ATXN10: variants seen among roughly 807,000 people sequenced by gnomAD.
The protein encoded by ATXN10 is ataxin-10.
Under a neutral mutation model 52.9 loss-of-function variants are expected in ATXN10, and 28 were observed. The ratio of observed to expected loss-of-function variants is 0.53; its 90% CI spans 0.39 to 0.73. The LOEUF is 0.73. Among genes scored for constraint, ATXN10 ranks in the 30% least tolerant of loss-of-function variants. The pLI is 0.00. For missense variants in ATXN10, 565 were observed against 577.0 expected (o/e 0.98, Z 0.21); for synonymous variants, 226 against 221.5 (o/e 1.02, Z -0.18).
At chr22:45,756,628 C>T (rs907348395) in intron 9 of ATXN10, among the ~76,000 whole-genome samples, 12 of 152,122 alleles carry the variant, frequency 7.9e-5, no homozygotes, top group African/African-American at 2.9e-4. Flanking sequence ...GAACTTTTCC[C>T]AGTCCAGCTG....
chr22:45,705,417 C>G lies in ATXN10; in HGVS notation c.647+2570C>G, dbSNP rs1022931389. On this transcript the variant is annotated intron_variant, in intron 5 of 11. Coordinates refer to ENST00000252934, the MANE Select transcript of ATXN10 (RefSeq NM_013236.4). The surrounding 1 kb of genome is among the most constrained non-coding windows in gnomAD (Gnocchi z 5.2). ...GAAGGGTTTTGGTTACTAATTCAAACCTGTTACTTGTTACAGGTCTTGGTT... is the reference window on the plus strand; with the variant it reads ...GAAGGGTTTTGGTTACTAATTCAAAGCTGTTACTTGTTACAGGTCTTGGTT... 6.6e-6 allele frequency among the ~76,000 whole-genome samples: 1 copy of G among 151,768 alleles called. No homozygotes were observed. Among genetic ancestry groups the G allele is most frequent in the African/African-American group, 2.4e-5 (1 of 41,280 alleles).
intron 4 of ATXN10, among the ~76,000 whole-genome samples, chr22:45,700,683 CA>C (rs1204570333): frequency 5.9e-5 from 9 of 151,876 alleles, no homozygotes; most frequent in Admixed American, 5.2e-4. Context: ...TTTACTTTTA[CA>C]AAAATAAAGT....
At chr22:45,811,604 G>A (rs905517778) in intron 10 of ATXN10, 13 of 415,588 alleles carry the variant, frequency 3.1e-5, no homozygotes, top group Non-Finnish European at 4.5e-5. Context: ...ATACCATACC[G>A]CCTGGGTGTG....
chr22:45,704,017 A>G (rs186789621), intron 5 of ATXN10: 1 of 152,314 alleles, frequency 6.6e-6, no homozygotes, highest in South Asian at 2.1e-4. Context: ...ATATATGGAT[A>G]CATCCAAGGT....
At chr22:45,773,165 T>C (rs1389853684) in intron 9 of ATXN10, among the ~76,000 whole-genome samples, 2 of 152,228 alleles carry the variant, frequency 1.3e-5, no homozygotes, top group South Asian at 2.1e-4. Flanking sequence ...TGTGGAAATA[T>C]GGTTAACTTT....
Position 45,796,533 on chromosome 22 carries a change from G to A in ATXN10, c.1174-10426G>A, listed in dbSNP as rs113960900. Among the ~76,000 whole-genome samples, 883 of 152,228 alleles carry A rather than the reference G, an allele frequency of 5.8e-3. 9 individuals carry two copies. Among genetic ancestry groups the A allele is most frequent in the African/African-American group, 0.02 (850 of 41,526 alleles). On this transcript the variant is annotated intron_variant, in intron 9 of 11. Coordinates refer to ENST00000252934, the MANE Select transcript of ATXN10 (RefSeq NM_013236.4). ...GCTTTTGTGGCTCAAGGGGCATCAC[G>A]GAACCTGCCAACATGTGATATCGCT...
intron 8 of ATXN10, among the ~76,000 whole-genome samples, chr22:45,740,129 G>C (rs1488154766): frequency 6.6e-6 from 1 of 152,148 alleles, no homozygotes; most frequent in African/African-American, 2.4e-5. Context: ...AGTTGGGGTA[G>C]TCATTATGGC....
chr22:45,695,356 A>G (rs1323897570), intron 3 of ATXN10, among the ~76,000 whole-genome samples: 1 of 152,008 alleles, frequency 6.6e-6, no homozygotes, highest in Non-Finnish European at 1.5e-5. Context: ...CATTGTAATA[A>G]CGTCTTTACC....
At chr22:45,777,189 T>C (rs1926988904) in intron 9 of ATXN10, among the ~76,000 whole-genome samples, 1 of 152,224 alleles carries the variant, frequency 6.6e-6, no homozygotes, top group South Asian at 2.1e-4. Context: ...TTTGTCATAC[T>C]TTGTTACACA....
rs1927127652 is a variant in ATXN10 at position 45,780,922 on chromosome 22, G to C, written c.1174-26037G>C. Among the ~76,000 whole-genome samples, 1 of 152,130 alleles carries C rather than the reference G, an allele frequency of 6.6e-6. No homozygotes were observed. Among genetic ancestry groups the C allele is most frequent in the Non-Finnish European group, 1.5e-5 (1 of 68,026 alleles). Reference sequence around the variant, plus strand: ...TGGGGAGAAGACGGCATACTAGCAAGGGGCCTTGAGACTCAGAAACGATAA... The same window carrying C: ...TGGGGAGAAGACGGCATACTAGCAACGGGCCTTGAGACTCAGAAACGATAA... On this transcript the variant is annotated intron_variant, in intron 9 of 11. Transcript: ENST00000252934. This position sits in a 1 kb window ranked among gnomAD's most constrained non-coding sequence, Gnocchi z 4.0.
In ATXN10 at chr22:45,729,460, C is replaced by T. The variant is rs149859910; in HGVS notation, c.764C>T (p.Thr255Met). The T allele has an allele frequency of 4.8e-5, 78 of 1,614,088 alleles. No homozygotes were observed. Among genetic ancestry groups the T allele is most frequent in the African/African-American group, 4.5e-4 (34 of 75,008 alleles). Residue 255 changes from threonine to methionine, a missense_variant, in exon 7 of 12, where the codon ACG becomes ATG. Transcript: ENST00000252934. ...TLLDLMIAKI[T>M]SDEPLTKDDI... is the part of the protein sequence containing the mutation. ...TTAGACCTTATGATAGCCAAGATAA[C>T]GAGTGATGAGCCACTCACCAAGGAT...
At position 45,705,936 on chromosome 22, in the gene ATXN10, C is replaced by G. The variant is rs188294573; in HGVS notation, c.647+3089C>G. 1.3e-5 allele frequency among the ~76,000 whole-genome samples: 2 copies of G among 152,106 alleles called. No homozygotes were observed. The highest frequency in any genetic ancestry group is 2.9e-5 in the Non-Finnish European group (2 of 68,018). On this transcript the variant is annotated intron_variant, in intron 5 of 11. Transcript: ENST00000252934. The surrounding 1 kb of genome is among the most constrained non-coding windows in gnomAD (Gnocchi z 5.2). Reference sequence around the variant, plus strand: ...AGGCAAGCAAGCATTCCTGCCTGAGCGCCACTTCTTGTCAGATCATCAGCC... The same window carrying G: ...AGGCAAGCAAGCATTCCTGCCTGAGGGCCACTTCTTGTCAGATCATCAGCC...
At chr22:45,796,198 A>T (rs1015980967) in intron 9 of ATXN10, among the ~76,000 whole-genome samples, 2 of 152,202 alleles carry the variant, frequency 1.3e-5, no homozygotes, top group African/African-American at 4.8e-5. Flanking sequence ...TAGATAAGGG[A>T]TGAAATACTC....
intron 5 of ATXN10, among the ~76,000 whole-genome samples, chr22:45,709,328 T>A (rs994019172): frequency 6.6e-6 from 1 of 152,202 alleles, no homozygotes; most frequent in Admixed American, 6.5e-5. Context: ...TAAGCATTAT[T>A]TTAGTCATGA....
At position 45,843,697 on chromosome 22, in the gene ATXN10, T is replaced by A; in HGVS notation, c.*26T>A. 1.9e-6 allele frequency: 3 copies of A among 1,607,646 alleles called. No homozygotes were observed. The highest frequency in any genetic ancestry group is 1.7e-6 in the Non-Finnish European group (2 of 1,174,994). ...ATGAACTACATCCAAATACCTGAAT[T>A]TTTGGAATCTGTTTCATGGATTTTT... On this transcript the variant is annotated 3_prime_UTR_variant, in exon 12 of 12. Transcript: ENST00000252934. The surrounding 1 kb of genome is among the most constrained non-coding windows in gnomAD (Gnocchi z 4.5).
At chr22:45,686,818 CAA>C (rs66702783) in intron 1 of ATXN10, among the ~76,000 whole-genome samples, 202 of 123,472 alleles carry the variant, frequency 1.6e-3, no homozygotes, top group South Asian at 4.0e-3. Context: ...GACTCCATCT[CAA>C]AAAAAAAAAA....
Position 45,783,133 on chromosome 22 carries a change from C to G in ATXN10, c.1174-23826C>G, listed in dbSNP as rs1435038961. Among the ~76,000 whole-genome samples the G allele has an allele frequency of 6.6e-6, 1 of 152,148 alleles. No individual in the cohort carries two copies. ...TTTGGCATATTCAAATTGGCAGCAT[C>G]ACTACTCTTGTACTTTGAGGTCATT... On this transcript the variant is annotated intron_variant, in intron 9 of 11. Coordinates refer to ENST00000252934, the MANE Select transcript of ATXN10 (RefSeq NM_013236.4). This position sits in a 1 kb window ranked among gnomAD's most constrained non-coding sequence, Gnocchi z 5.0.
Position 45,705,598 on chromosome 22 carries a change from A to G in ATXN10, c.647+2751A>G, listed in dbSNP as rs1202957129. On this transcript the variant is annotated intron_variant, in intron 5 of 11. Coordinates refer to ENST00000252934, the MANE Select transcript of ATXN10 (RefSeq NM_013236.4). The surrounding 1 kb of genome is among the most constrained non-coding windows in gnomAD (Gnocchi z 5.2). ...CAGGTGCCCGCCACCACACCCGGCT[A>G]ATTTTTTTTGTATTTTTAGTAGAGA... Among the ~76,000 whole-genome samples the G allele has an allele frequency of 6.6e-6, 1 of 151,918 alleles. No individual in the cohort carries two copies. Among genetic ancestry groups the G allele is most frequent in the African/African-American group, 2.4e-5 (1 of 41,372 alleles).
rs145029951 is a variant in ATXN10 at position 45,843,309 on chromosome 22, C to A, written c.1425+131C>A. 1.0e-5 allele frequency: 11 copies of A among 1,057,492 alleles called. No individual in the cohort carries two copies. The highest frequency in any genetic ancestry group is 1.4e-5 in the Non-Finnish European group (10 of 708,690). The allele number at this position is 1,057,492 out of a possible 1,614,324, so 65.5% of individuals were successfully genotyped here. A position where few individuals can be genotyped will look rare whatever the true frequency, so the allele number is the denominator to read the frequency against. ...AATTGTGCCCTCTATAGTGGTTTAC[C>A]GAGGAAAGCCCTAAAGATAGCTGCA... On this transcript the variant is annotated intron_variant, in intron 11 of 11. Transcript: ENST00000252934. This position sits in a 1 kb window ranked among gnomAD's most constrained non-coding sequence, Gnocchi z 4.5.
Sources: allele counts gnomAD v4.1 joint callset (sites outside exome capture counted in the v4.1 genomes callset), GRCh38; gene constraint gnomAD v4.1.1; non-coding constraint Gnocchi (gnomAD v3.1); transcripts MANE v1.5; gene names NCBI Gene and HGNC (gene_info 2026-07-23, HGNC 2026-07-21).